PRKAR1B: variants seen among roughly 807,000 people sequenced by gnomAD.
PRKAR1B encodes the protein cAMP-dependent protein kinase type I-beta regulatory subunit.
A neutral mutation model predicts 46.5 loss-of-function variants in PRKAR1B; 22 were observed. The observed-to-expected ratio is 0.47, with a 90% confidence interval of 0.34 to 0.68. PRKAR1B has a LOEUF of 0.68. Among genes scored for constraint, PRKAR1B ranks in the 30% least tolerant of loss-of-function variants. The pLI is 0.01. For missense variants in PRKAR1B, 445 were observed against 535.6 expected (o/e 0.83, Z 1.67); for synonymous variants, 259 against 217.7 (o/e 1.19, Z -1.67).
At chr7:657,759 G>A (rs1785291517) in intron 4 of PRKAR1B, among the ~76,000 whole-genome samples, 1 of 152,156 alleles carries the variant, frequency 6.6e-6, no homozygotes, top group Admixed American at 6.6e-5. Flanking sequence ...GCATGAACCA[G>A]CTGTCACCAC....
chr7:705,797 C>T (rs1256644527), intron 2 of PRKAR1B, among the ~76,000 whole-genome samples: 1 of 151,970 alleles, frequency 6.6e-6, no homozygotes, highest in Non-Finnish European at 1.5e-5. Context: ...GAGGCCGAGG[C>T]AGGTGGATCA....
chr7:671,857 C>T (rs1393748708), intron 4 of PRKAR1B, among the ~76,000 whole-genome samples: 1 of 152,236 alleles, frequency 6.6e-6, no homozygotes, highest in Non-Finnish European at 1.5e-5. Context: ...GCCCCAGGCC[C>T]TTTGCTGCAG....
chr7:727,115 G>A, intron 1 of PRKAR1B, 95 bp downstream of exon 1: 1 of 1,120,268 alleles, frequency 8.9e-7, no homozygotes. Flanking sequence ...GTGCCCGCGC[G>A]CCGCCCGCCC....
chr7:642,710 G>A (rs1205466551), intron 4 of PRKAR1B, among the ~76,000 whole-genome samples: 1 of 149,902 alleles, frequency 6.7e-6, no homozygotes, highest in Non-Finnish European at 1.5e-5. Flanking sequence ...TCCAGCCTGG[G>A]CGACAGAGCG....
rs951107230 is a variant in PRKAR1B at position 714,222 on chromosome 7, G to A, written c.-22-2695C>T. Reference sequence around the variant, plus strand: ...CTCCAGGCCTGGCTGCTTCTCTCCCGGGCTGTCCTGGGGTTCTCTGGAGAC... The same window carrying A: ...CTCCAGGCCTGGCTGCTTCTCTCCCAGGCTGTCCTGGGGTTCTCTGGAGAC... On this transcript the variant is annotated intron_variant, in intron 1 of 10. Transcript: ENST00000537384. The surrounding 1 kb of genome is among the most constrained non-coding windows in gnomAD (Gnocchi z 4.3). Among the ~76,000 whole-genome samples the A allele has an allele frequency of 6.6e-6, 1 of 152,186 alleles. No individual in the cohort carries two copies. The highest frequency in any genetic ancestry group is 3.4e-3 in the Middle Eastern group (1 of 294).
intron 7 of PRKAR1B, among the ~76,000 whole-genome samples, chr7:595,052 C>T (rs1781193335): frequency 6.6e-6 from 1 of 152,220 alleles, no homozygotes; most frequent in African/African-American, 2.4e-5. Flanking sequence ...CAAGCTCCCA[C>T]CGTGGCTCCT....
intron 4 of PRKAR1B, among the ~76,000 whole-genome samples, chr7:628,715 G>T (rs968201415): frequency 6.6e-6 from 1 of 152,194 alleles, no homozygotes; most frequent in Non-Finnish European, 1.5e-5. Flanking sequence ...GGGCAACCCC[G>T]CCTACCCCGG....
At position 666,084 on chromosome 7, in the gene PRKAR1B, C is replaced by T. The variant is rs971606311; in HGVS notation, c.440+11145G>A. Reference sequence around the variant, plus strand: ...AGGCCCAACGCACAACACAAACACGCACGGTGCCACCCAATTATCACGTTT... The same window carrying T: ...AGGCCCAACGCACAACACAAACACGTACGGTGCCACCCAATTATCACGTTT... On this transcript the variant is annotated intron_variant, in intron 4 of 10. Coordinates refer to ENST00000537384, the MANE Select transcript of PRKAR1B (RefSeq NM_001164760.2). This position sits in a 1 kb window ranked among gnomAD's most constrained non-coding sequence, Gnocchi z 4.9. 6.6e-6 allele frequency among the ~76,000 whole-genome samples: 1 copy of T among 152,212 alleles called. No homozygotes were observed. The highest frequency in any genetic ancestry group is 2.4e-5 in the African/African-American group (1 of 41,444).
chr7:727,160 A>T, intron 1 of PRKAR1B, 50 bp downstream of exon 1: 1 of 1,288,026 alleles, frequency 7.8e-7, no homozygotes, highest in Non-Finnish European at 9.9e-7. Flanking sequence ...GCGCTTGTGC[A>T]GCTGCTGGGC....
chr7:662,913 C>G (rs1237769630), intron 4 of PRKAR1B, among the ~76,000 whole-genome samples: 2 of 152,226 alleles, frequency 1.3e-5, no homozygotes, highest in African/African-American at 4.8e-5. Context: ...GAAGCACCAC[C>G]CTGTTCATCA....
intron 4 of PRKAR1B, among the ~76,000 whole-genome samples, chr7:660,699 C>A (rs1191119514): frequency 7.6e-6 from 1 of 131,766 alleles, no homozygotes; most frequent in Admixed American, 7.5e-5. Flanking sequence ...CCCAACAAAT[C>A]CAAATACCTA....
rs1562344278 is a variant in PRKAR1B, at chr7:691,677, G to A, written c.178-10951C>T. 7 of 1,290,180 alleles carry A rather than the reference G, an allele frequency of 5.4e-6. No homozygotes were observed. In the East Asian group the frequency reaches 3.3e-4, roughly 62 times the overall value. The allele number at this position is 1,290,180 out of a possible 1,614,324, so 79.9% of individuals were successfully genotyped here. A position where few individuals can be genotyped will look rare whatever the true frequency, so the allele number is the denominator to read the frequency against. ...TCCAGGGAGCTGTTGGAAACCCAGT[G>A]CTGTGACCTCACACGGTCAAAAGCA... On this transcript the variant is annotated intron_variant, in intron 2 of 10. Transcript: ENST00000537384.
intron 8 of PRKAR1B, among the ~76,000 whole-genome samples, chr7:582,420 G>T (rs1163157380): frequency 6.6e-6 from 1 of 152,234 alleles, no homozygotes; most frequent in East Asian, 1.9e-4. Flanking sequence ...ACACCGCCCC[G>T]CCAGCCACTT....
chr7:637,105 G>A (rs1272810623), intron 4 of PRKAR1B, among the ~76,000 whole-genome samples: 6 of 152,124 alleles, frequency 3.9e-5, no homozygotes, highest in Admixed American at 2.0e-4. Flanking sequence ...GGGCCACACC[G>A]CGAAACCCCA....
chr7:651,492 G>A (rs1178305960), intron 4 of PRKAR1B, among the ~76,000 whole-genome samples: 1 of 151,794 alleles, frequency 6.6e-6, no homozygotes, highest in African/African-American at 2.4e-5. Flanking sequence ...CTCCCACTAG[G>A]AACCTGGGAA....
At position 726,934 on chromosome 7, in the gene PRKAR1B, C is replaced by A. The variant is rs1781324413; in HGVS notation, c.-23+276G>T. 2.3e-5 allele frequency: 31 copies of A among 1,343,066 alleles called. No homozygotes were observed. Among genetic ancestry groups the A allele is most frequent in the Non-Finnish European group, 2.9e-5 (30 of 1,044,128 alleles). 83.2% of individuals were successfully genotyped at this position (1,343,066 alleles called of 1,614,324 possible). A position where few individuals can be genotyped will look rare whatever the true frequency, so the allele number is the denominator to read the frequency against. On this transcript the variant is annotated intron_variant, in intron 1 of 10. Coordinates refer to ENST00000537384, the MANE Select transcript of PRKAR1B (RefSeq NM_001164760.2). Reference sequence around the variant, plus strand: ...CGCCGACCCCACCGCTTTCCAGGGCCCCTGGGCGCGCCTACTGCTGCCGCG... The same window carrying A: ...CGCCGACCCCACCGCTTTCCAGGGCACCTGGGCGCGCCTACTGCTGCCGCG...
At chr7:639,228 G>A (rs867151065) in intron 4 of PRKAR1B, among the ~76,000 whole-genome samples, 8 of 152,150 alleles carry the variant, frequency 5.3e-5, no homozygotes, top group Non-Finnish European at 1.0e-4. Context: ...TAATCAAGAC[G>A]GTGGTGGTAT....
intron 5 of PRKAR1B, among the ~76,000 whole-genome samples, chr7:606,984 T>A (rs1324475952): frequency 1.3e-5 from 2 of 152,014 alleles, no homozygotes; most frequent in African/African-American, 4.8e-5. Flanking sequence ...TATATGTGTG[T>A]ATGTATGTAC....
intron 4 of PRKAR1B, among the ~76,000 whole-genome samples, chr7:651,349 C>T (rs144713011): frequency 5.1e-4 from 78 of 152,348 alleles, no homozygotes; most frequent in African/African-American, 1.6e-3. Context: ...AAAATTCATA[C>T]GAGTTCCATG....
Sources: gnomAD v4.1 joint callset for allele counts (sites outside exome capture counted in the v4.1 genomes callset) on GRCh38, gnomAD v4.1.1 for gene constraint, Gnocchi (gnomAD v3.1) non-coding constraint, MANE v1.5 for transcripts, NCBI Gene and HGNC (gene_info 2026-07-23, HGNC 2026-07-21) for gene names.